NINL: variants seen among roughly 807,000 people sequenced by gnomAD.
The protein encoded by NINL is ninein-like protein.
Under a neutral mutation model 160.3 loss-of-function variants are expected in NINL, and 153 were observed. That is an observed-to-expected ratio of 0.95 (90% CI 0.84 to 1.09). NINL has a LOEUF of 1.09. Among genes scored for constraint, NINL ranks in the 50% least tolerant of loss-of-function variants. The pLI is 0.00. For synonymous variants in NINL, 800 were observed against 734.8 expected (o/e 1.09, Z -1.43); for missense variants, 1,829 against 1,764.0 (o/e 1.04, Z -0.66).
intron 1 of NINL, among the ~76,000 whole-genome samples, chr20:25,535,772 G>C (rs2064545768): frequency 6.6e-6 from 1 of 152,086 alleles, no homozygotes; most frequent in Non-Finnish European, 1.5e-5. Flanking sequence ...TTCTCCTACA[G>C]CACTTTTATC....
intron 23 of NINL, among the ~76,000 whole-genome samples, chr20:25,454,128 T>C (rs1457942994): frequency 6.6e-6 from 1 of 151,726 alleles, no homozygotes; most frequent in East Asian, 1.9e-4. Flanking sequence ...TGAGAGGAAA[T>C]TGAGAATCTG....
At chr20:25,490,615 G>C (rs1317552676) in intron 11 of NINL, among the ~76,000 whole-genome samples, 1 of 150,778 alleles carries the variant, frequency 6.6e-6, no homozygotes, top group Non-Finnish European at 1.5e-5. Context: ...CATTGCAAAA[G>C]TATTATAGAA....
At chr20:25,585,160 C>T (rs1171759411) in intron 1 of NINL, among the ~76,000 whole-genome samples, 7 of 152,210 alleles carry the variant, frequency 4.6e-5, no homozygotes. Flanking sequence ...GGACCCGGGC[C>T]CTCGTTCGCA....
At position 25,461,654 on chromosome 20, in the gene NINL, T is replaced by C. The variant is rs2062788918; in HGVS notation, c.3583-19A>G. Reference sequence around the variant, plus strand: ...GGTCACTCTGTTTTTAAAAAATCAATTGCACAAGTCAAGAAGTATCTGAAG... The same window carrying C: ...GGTCACTCTGTTTTTAAAAAATCAACTGCACAAGTCAAGAAGTATCTGAAG... On this transcript the variant is annotated intron_variant, in intron 20 of 23. Coordinates refer to ENST00000278886, the MANE Select transcript of NINL (RefSeq NM_025176.6). 1 of 1,496,418 alleles carries C rather than the reference T, an allele frequency of 6.7e-7. No homozygotes were observed. Among genetic ancestry groups the C allele is most frequent in the South Asian group, 1.1e-5 (1 of 88,146 alleles). The allele number at this position is 1,496,418 out of a possible 1,614,324, so 92.7% of individuals were successfully genotyped here.
intron 2 of NINL, 66 bp downstream of exon 2, chr20:25,526,342 A>T: frequency 2.2e-6 from 3 of 1,384,238 alleles, no homozygotes; most frequent in Non-Finnish European, 3.0e-6. Context: ...GATATTTATC[A>T]AATGCCCATA....
chr20:25,522,302 A>G (rs1219708021), intron 2 of NINL, among the ~76,000 whole-genome samples: 1 of 152,218 alleles, frequency 6.6e-6, no homozygotes, highest in Admixed American at 6.5e-5. Flanking sequence ...CAGTTTTTCT[A>G]GTAGTCCTCC....
At chr20:25,496,837 C>A in intron 9 of NINL, 34 bp from the exon 10 acceptor site, 1 of 1,608,656 alleles carries the variant, frequency 6.2e-7, no homozygotes, top group South Asian at 1.1e-5. Flanking sequence ...CAGATGGGAC[C>A]CCACTGCTGG....
chr20:25,463,156 C>T (rs1238190728), intron 19 of NINL, among the ~76,000 whole-genome samples: 2 of 152,036 alleles, frequency 1.3e-5, no homozygotes, highest in South Asian at 2.1e-4. Context: ...TCACCAGTGC[C>T]GAGGACAGAA....
chr20:25,512,841 C>T lies in NINL; in HGVS notation c.443G>A (p.Ser148Asn), dbSNP rs1254195535. ...GAGAGGGGCCTGACCCACCTCCACGCTCTCCAGAGACGCTGAGCGCCAGAG... is the reference window on the plus strand; with the variant it reads ...GAGAGGGGCCTGACCCACCTCCACGTTCTCCAGAGACGCTGAGCGCCAGAG... ...SHLWRSASLESVESPKSDEEA... is the reference protein window; with the variant it reads ...SHLWRSASLENVESPKSDEEA... Residue 148 changes from serine to asparagine, a missense_variant, in exon 4 of 24, where the codon AGC becomes AAC. Coordinates refer to ENST00000278886, the MANE Select transcript of NINL (RefSeq NM_025176.6). The T allele has an allele frequency of 3.1e-6, 5 of 1,611,504 alleles. No individual in the cohort carries two copies. The highest frequency in any genetic ancestry group is 1.7e-4 in the Middle Eastern group (1 of 6,038).
At chr20:25,524,806 C>G (rs527654810) in intron 2 of NINL, among the ~76,000 whole-genome samples, 1 of 151,782 alleles carries the variant, frequency 6.6e-6, no homozygotes, top group South Asian at 2.1e-4. Flanking sequence ...GAACGTGGAC[C>G]CAAAGTTACT....
chr20:25,562,039 T>C (rs1395008746), intron 1 of NINL, among the ~76,000 whole-genome samples: 1 of 132,190 alleles, frequency 7.6e-6, no homozygotes, highest in Non-Finnish European at 1.6e-5. Context: ...GAGGAGCCCC[T>C]CTGCCCGGCC....
At chr20:25,455,867 CG>C in intron 22 of NINL, 81 bp from the exon 23 acceptor site, 1 of 1,105,512 alleles carries the variant, frequency 9.0e-7, no homozygotes, top group Non-Finnish European at 1.4e-6. Context: ...CCGAGGCGGG[CG>C]GATCACCTGA....
Position 25,498,493 on chromosome 20 carries a change from T to C in NINL, c.1033-147A>G, listed in dbSNP as rs532549942. The C allele has an allele frequency of 9.5e-6, 10 of 1,055,902 alleles. No homozygotes were observed. In the East Asian group the frequency reaches 2.6e-4, roughly 28 times the overall value. The allele number at this position is 1,055,902 out of a possible 1,614,324, so 65.4% of individuals were successfully genotyped here. A position where few individuals can be genotyped will look rare whatever the true frequency, so the allele number is the denominator to read the frequency against. On this transcript the variant is annotated intron_variant, in intron 8 of 23. Transcript: ENST00000278886. ...TCCTGTCTGCCAAGGTCTCTGCGTC[T>C]TGAGGGGTGCTCCTCCTCCATCCCA...
At chr20:25,505,926 C>A (rs1354111074) in intron 5 of NINL, among the ~76,000 whole-genome samples, 1 of 152,218 alleles carries the variant, frequency 6.6e-6, no homozygotes, top group African/African-American at 2.4e-5. Context: ...GGGGAAAATT[C>A]TTTCTGAAGA....
At chr20:25,458,343 C>G (rs1286693217) in intron 22 of NINL, 40 bp downstream of exon 22, 3 of 1,601,854 alleles carry the variant, frequency 1.9e-6, no homozygotes, top group African/African-American at 2.7e-5. Flanking sequence ...TCACCCTCCT[C>G]CTCATCTCGT....
chr20:25,550,728 G>A (rs1164740099), intron 1 of NINL, among the ~76,000 whole-genome samples: 1 of 152,222 alleles, frequency 6.6e-6, no homozygotes, highest in African/African-American at 2.4e-5. Flanking sequence ...CAGTATTGCT[G>A]CCAGCATGTC....
intron 18 of NINL, among the ~76,000 whole-genome samples, chr20:25,469,195 T>G (rs1601028912): frequency 1.8e-5 from 2 of 113,812 alleles, no homozygotes; most frequent in Non-Finnish European, 1.8e-5. Context: ...CCTTGCCCTG[T>G]CCCCCGACTC....
At chr20:25,538,831 C>G (rs759786140) in intron 1 of NINL, among the ~76,000 whole-genome samples, 7 of 151,820 alleles carry the variant, frequency 4.6e-5, no homozygotes, top group Non-Finnish European at 8.8e-5. Context: ...AACTGGGGAG[C>G]ACAAGGCCGG....
chr20:25,570,542 T>C (rs967116986), intron 1 of NINL, among the ~76,000 whole-genome samples: 1 of 152,130 alleles, frequency 6.6e-6, no homozygotes, highest in Non-Finnish European at 1.5e-5. Flanking sequence ...ATGCTTCCTA[T>C]ACAGTTTGCA....
Sources: allele counts gnomAD v4.1 joint callset (sites outside exome capture counted in the v4.1 genomes callset), GRCh38; gene constraint gnomAD v4.1.1; transcripts MANE v1.5; gene names NCBI Gene and HGNC (gene_info 2026-07-23, HGNC 2026-07-21).